The following CASP8 variants were observed in gnomAD, a reference collection of about 807,000 sequenced individuals.
The protein encoded by CASP8 is caspase 8, also known as caspase-8.
CASP8 carries 24 observed loss-of-function variants against 46.3 expected under a neutral mutation model. That is an observed-to-expected ratio of 0.52 (90% CI 0.38 to 0.73). The LOEUF (loss-of-function observed/expected upper bound fraction) is 0.73, where lower values mean the gene tolerates loss of function less well. Ranked by LOEUF, CASP8 falls within the 30% of genes least tolerant of loss-of-function variation. CASP8 has a pLI of 0.00. For missense variants in CASP8, 460 were observed against 559.0 expected, an observed-to-expected ratio of 0.82 and a Z score of 1.79; for synonymous variants, 188 against 200.4, an observed-to-expected ratio of 0.94 and a Z score of 0.52.
rs566720531 is a variant in CASP8, at chr2:201,237,540, G to A, written c.-27+3428G>A. Among the ~76,000 whole-genome samples the A allele has an allele frequency of 2.6e-5, 4 of 152,096 alleles. No individual in the cohort carries two copies. The East Asian group carries it at 7.7e-4, about 29-fold the overall frequency. ...AAAAATAGAAAATTAGAAGACTGGA[G>A]TGAGTCATGTTGATTTTCTGGTGTA... On this transcript the variant is annotated intron_variant, in intron 2 of 6. Transcript: ENST00000264274.
At position 201,272,906 on chromosome 2, in the gene CASP8, A is replaced by C; in HGVS notation, c.559A>C (p.Ser187Arg). 1 of 1,614,188 alleles carries C rather than the reference A, an allele frequency of 6.2e-7. No homozygotes were observed. The highest frequency in any genetic ancestry group is 8.5e-7 in the Non-Finnish European group (1 of 1,180,010). Residue 187 changes from serine (S) to arginine (R), a missense_variant, in exon 5 of 9, where the codon AGC becomes CGC. Coordinates refer to ENST00000673742, the MANE Select transcript of CASP8 (RefSeq NM_001372051.1). The surrounding 1 kb of genome is among the most constrained non-coding windows in gnomAD (Gnocchi z 4.4). ...TTCCCCTTTTAATTCAGAGAGAAGCAGCAGCCTTGAAGGAAGTCCTGATGA... is the reference window on the plus strand; with the variant it reads ...TTCCCCTTTTAATTCAGAGAGAAGCCGCAGCCTTGAAGGAAGTCCTGATGA... ...DYEEFSKERSSSLEGSPDEFS... is the reference protein window; with the variant it reads ...DYEEFSKERSRSLEGSPDEFS...
intron 2 of CASP8, among the ~76,000 whole-genome samples, chr2:201,255,118 C>T (rs1345276672): frequency 6.6e-6 from 1 of 152,224 alleles, no homozygotes. Flanking sequence ...GAGTGTCCCT[C>T]TGTCACTCAC....
In CASP8 at chr2:201,286,569, A is replaced by G. The variant is rs1387133766; in HGVS notation, c.1415A>G (p.Lys472Arg). 3.7e-6 allele frequency: 6 copies of G among 1,614,130 alleles called. No individual in the cohort carries two copies. Among genetic ancestry groups the G allele is most frequent in the Middle Eastern group, 3.3e-4 (2 of 6,060 alleles). The change falls in exon 9 of 9, where the codon AAA (lysine) becomes AGA (arginine). Residue 472 changes from lysine to arginine, a missense_variant. Transcript: ENST00000673742. Reference sequence around the variant, plus strand: ...CCTCAGCCTACTTTCACACTAAGAAAAAAACTTGTCTTCCCTTCTGATTGA... The same window carrying G: ...CCTCAGCCTACTTTCACACTAAGAAGAAAACTTGTCTTCCCTTCTGATTGA... ...QMPQPTFTLR[K>R]KLVFPSD
rs1948308278 is a variant in CASP8, at chr2:201,272,187, A to G, written c.412-451A>G. On this transcript the variant is annotated intron_variant, in intron 3 of 8. Transcript: ENST00000673742. This position sits in a 1 kb window ranked among gnomAD's most constrained non-coding sequence, Gnocchi z 4.4. ...TGCCCCTGTGTGTGTATCACTGAGT[A>G]TACTCTGTGTGTGTTGTATCTGTGT... Among the ~76,000 whole-genome samples, 2 of 150,406 alleles carry G rather than the reference A, an allele frequency of 1.3e-5. No homozygotes were observed. Among genetic ancestry groups the G allele is most frequent in the Non-Finnish European group, 3.0e-5 (2 of 67,642 alleles).
chr2:201,285,149 C>A lies in CASP8; in HGVS notation c.1136C>A (p.Pro379His), dbSNP rs1023527858. Residue 379 changes from proline (P) to histidine (H), a missense_variant, in exon 8 of 9, where the codon CCC becomes CAC. Transcript: ENST00000673742. ...GTTGAGACTGATTCAGAGGAGCAAC[C>A]CTATTTAGAAATGGATTTATCATCA... is the stretch of plus-strand genomic sequence containing the variant. ...IPVETDSEEQ[P>H]YLEMDLSSPQ... The A allele has an allele frequency of 1.2e-6, 2 of 1,614,096 alleles. No individual in the cohort carries two copies. Among genetic ancestry groups the A allele is most frequent in the South Asian group, 1.1e-5 (1 of 91,080 alleles).
chr2:201,262,871 T>C (rs1947522461), intron 1 of CASP8, among the ~76,000 whole-genome samples: 1 of 152,198 alleles, frequency 6.6e-6, no homozygotes, highest in African/African-American at 2.4e-5. Context: ...CTAGGTACTA[T>C]GACTAGAGGG....
intron 2 of CASP8, among the ~76,000 whole-genome samples, chr2:201,253,519 A>T (rs1946881106): frequency 6.6e-6 from 1 of 151,904 alleles, no homozygotes; most frequent in African/African-American, 2.4e-5. Context: ...AAAACTGCAC[A>T]GTGCTTAACA....
At chr2:201,253,863 C>T (rs1414869185) in intron 2 of CASP8, among the ~76,000 whole-genome samples, 1 of 152,040 alleles carries the variant, frequency 6.6e-6, no homozygotes, top group African/African-American at 2.4e-5. Context: ...GGGTCGATCA[C>T]CTAAGGTCGG....
Position 201,286,567 on chromosome 2 carries a change from A to G in CASP8, c.1413A>G (p.Arg471=), listed in dbSNP as rs1949570421. Residue 471 remains arginine, a synonymous_variant, in exon 9 of 9, where the codon AGA becomes AGG. Transcript: ENST00000673742. ...KQMPQPTFTL[R]KKLVFPSD The stretch of plus-strand genomic sequence containing the variant: ...TGCCTCAGCCTACTTTCACACTAAG[A>G]AAAAAACTTGTCTTCCCTTCTGATT... The G allele has an allele frequency of 6.2e-7, 1 of 1,613,910 alleles. No individual in the cohort carries two copies. The highest frequency in any genetic ancestry group is 8.5e-7 in the Non-Finnish European group (1 of 1,179,930).
upstream of CASP8, among the ~76,000 whole-genome samples, chr2:201,255,819 A>G (rs1329254992): frequency 2.0e-5 from 3 of 152,102 alleles, no homozygotes; most frequent in African/African-American, 7.2e-5. Flanking sequence ...CAGTGGTGTG[A>G]TCATAGCTCA....
chr2:201,278,853 A>C (rs940083227), intron 7 of CASP8, among the ~76,000 whole-genome samples: 1 of 152,166 alleles, frequency 6.6e-6, no homozygotes, highest in African/African-American at 2.4e-5. Context: ...TTGACTGATG[A>C]CTTATGTTTA....
chr2:201,242,645 A>G (rs774349620), intron 2 of CASP8: 16 of 152,180 alleles, frequency 1.1e-4, no homozygotes, highest in Non-Finnish European at 2.2e-4. Context: ...ATTTGGTGTG[A>G]TCTCTATTAA....
chr2:201,254,378 C>G (rs1257117177), intron 2 of CASP8, among the ~76,000 whole-genome samples: 1 of 152,236 alleles, frequency 6.6e-6, no homozygotes, highest in Non-Finnish European at 1.5e-5. Context: ...CCTCTCCCTA[C>G]AAGGCCCAGA....
chr2:201,245,909 C>T (rs1208498125), intron 2 of CASP8, among the ~76,000 whole-genome samples: 2 of 139,676 alleles, frequency 1.4e-5, no homozygotes, highest in African/African-American at 3.1e-5. Context: ...CTCTTGTTGC[C>T]CAGACTGGAG....
At chr2:201,273,492 T>G (rs1948428517) in intron 5 of CASP8, among the ~76,000 whole-genome samples, 1 of 152,222 alleles carries the variant, frequency 6.6e-6, no homozygotes, top group South Asian at 2.1e-4. Flanking sequence ...GCTCATGTTA[T>G]GCACTGAGTA....
At chr2:201,249,927 C>T (rs1946705544) in intron 2 of CASP8, among the ~76,000 whole-genome samples, 1 of 152,102 alleles carries the variant, frequency 6.6e-6, no homozygotes, top group Non-Finnish European at 1.5e-5. Flanking sequence ...TGGCTGAGAA[C>T]CCTATAACAG....
chr2:201,281,933 CTTTTTTTTTTT>C, intron 7 of CASP8: 2 of 259,250 alleles, frequency 7.7e-6, no homozygotes, highest in South Asian at 6.6e-5. Flanking sequence ...GGTTCAAATT[CTTTTTTTTTTT>C]TTTTTTTTTT....
intron 2 of CASP8, among the ~76,000 whole-genome samples, chr2:201,254,499 G>T (rs1260645201): frequency 6.6e-6 from 1 of 152,184 alleles, no homozygotes; most frequent in Non-Finnish European, 1.5e-5. Context: ...AAAGGGGAGC[G>T]GCCCCGTTGA....
intron 2 of CASP8, among the ~76,000 whole-genome samples, chr2:201,234,559 C>G (rs996694870): frequency 1.3e-5 from 2 of 151,908 alleles, no homozygotes; most frequent in South Asian, 2.1e-4. Context: ...AGGTGATTCT[C>G]GTGTCTCAGC....
Sources: gnomAD v4.1 joint callset for allele counts (sites outside exome capture counted in the v4.1 genomes callset) on GRCh38, gnomAD v4.1.1 for gene constraint, Gnocchi (gnomAD v3.1) non-coding constraint, MANE v1.5 for transcripts, NCBI Gene and HGNC (gene_info 2026-07-23, HGNC 2026-07-21) for gene names.